The following AASDH variants were observed in gnomAD, a reference collection of about 807,000 sequenced individuals.
AASDH encodes aminoadipate-semialdehyde dehydrogenase.
AASDH carries 81 observed loss-of-function variants against 102.3 expected under a neutral mutation model. The observed-to-expected ratio is 0.79, with a 90% CI of 0.66 to 0.95. The LOEUF is 0.95. AASDH is among the 40% of genes least tolerant of loss of function. AASDH has a pLI of 0.00. For missense variants in AASDH, 1,203 were observed against 1,266.2 expected (o/e 0.95, Z 0.76); for synonymous variants, 398 against 454.0 (o/e 0.88, Z 1.57).
At chr4:56,372,511 T>C (rs1399375634) in intron 4 of AASDH, among the ~76,000 whole-genome samples, 2 of 152,248 alleles carry the variant, frequency 1.3e-5, no homozygotes, top group Non-Finnish European at 2.9e-5. Context: ...TAGGCTCTTA[T>C]ACAGCATGGA....
At position 56,355,328 on chromosome 4, in the gene AASDH, A is replaced by G. The variant is rs1292719299; in HGVS notation, c.957T>C (p.Gly319=). The change falls in exon 6 of 15, where the codon GGT becomes GGC. Residue 319 remains glycine (G), a synonymous_variant. Transcript: ENST00000205214. The stretch of plus-strand genomic sequence containing the variant: ...GAACTGTCAATGATGGAAACGCTTC[A>G]CCACCAAGGGCTAATACTCGAAGAG... ...TTSLRVLALG[G]EAFPSLTVLR... 13 of 1,614,062 alleles carry G rather than the reference A, an allele frequency of 8.1e-6. No individual in the cohort carries two copies. The highest frequency in any genetic ancestry group is 1.1e-5 in the Non-Finnish European group (13 of 1,180,032).
intron 14 of AASDH, among the ~76,000 whole-genome samples, chr4:56,340,409 A>G (rs1226839859): frequency 6.6e-6 from 1 of 152,206 alleles, no homozygotes; most frequent in African/African-American, 2.4e-5. Context: ...GATGTCAAAA[A>G]TACACAATGG....
chr4:56,379,502 T>G (rs906995055), intron 3 of AASDH, among the ~76,000 whole-genome samples: 1 of 152,038 alleles, frequency 6.6e-6, no homozygotes, highest in African/African-American at 2.4e-5. Context: ...CATTTACTCA[T>G]TCAACATGAC....
chr4:56,349,536 T>C lies in AASDH; in HGVS notation c.2215A>G (p.Lys739Glu), dbSNP rs1748735036. ...GKSKDPSCVAKVSEEGKPAIG... is the reference protein window; with the variant it reads ...GKSKDPSCVAEVSEEGKPAIG... ...GCAGGTTTCCCCTCTTCAGAAACTT[T>C]TGCAACACAGGATGGATCTTTTGAC... The change falls in exon 11 of 15, where the codon AAA (lysine) becomes GAA (glutamate). Residue 739 changes from lysine to glutamate, a missense_variant. Physicochemically the swap from Lys to Glu is moderately conservative, Grantham distance 56 (BLOSUM62 1). Coordinates refer to ENST00000205214, the MANE Select transcript of AASDH (RefSeq NM_181806.4). 6.2e-7 allele frequency: 1 copy of C among 1,614,214 alleles called. No individual in the cohort carries two copies.
At position 56,338,431 on chromosome 4, in the gene AASDH, G is replaced by A. The variant is rs780778688; in HGVS notation, c.3268C>T (p.Leu1090=). The A allele has an allele frequency of 3.0e-5, 48 of 1,613,618 alleles. No homozygotes were observed. Among genetic ancestry groups the A allele is most frequent in the Non-Finnish European group, 4.0e-5 (47 of 1,179,936 alleles). The change falls in exon 15 of 15, where the codon CTG becomes TTG. Residue 1090 remains leucine (L), a synonymous_variant. Transcript: ENST00000205214. ...IGCRDNYVYC[L]DLLGGNQK is the part of the protein sequence containing the mutation. ...TTTTGATTGCCACCCAATAAATCCA[G>A]ACAATAAACATAATTATCTCTACAC... is the stretch of plus-strand genomic sequence containing the variant.
intron 4 of AASDH, 51 bp downstream of exon 4, chr4:56,378,097 C>T (rs1483372500): frequency 5.3e-6 from 8 of 1,522,198 alleles, no homozygotes. Context: ...TAAGCCACCA[C>T]ACCTGGCCTA....
chr4:56,369,150 T>G (rs1751397990), intron 5 of AASDH, among the ~76,000 whole-genome samples: 1 of 152,194 alleles, frequency 6.6e-6, no homozygotes, highest in Admixed American at 6.5e-5. Flanking sequence ...TTTCTATCAG[T>G]TTCTCAGAAA....
In AASDH at chr4:56,342,922, G is replaced by A. The variant is rs373341321; in HGVS notation, c.2820C>T (p.Leu940=). 44 of 1,595,470 alleles carry A rather than the reference G, an allele frequency of 2.8e-5. No homozygotes were observed. In the African/African-American group the frequency reaches 4.4e-4, roughly 16 times the overall value. Residue 940 remains leucine, a synonymous_variant, in exon 14 of 15, where the codon CTC becomes CTT. Coordinates refer to ENST00000205214, the MANE Select transcript of AASDH (RefSeq NM_181806.4). ...VIWKHSCGKP[L]FSSPQCCSQY... is the part of the protein sequence containing the mutation. ...GTGAGCAACATTGTGGGGAAGAGAA[G>A]AGTGGTTTTCCACAGGAATGTTTCC...
chr4:56,356,172 T>C, intron 5 of AASDH: 1 of 708,590 alleles, frequency 1.4e-6, no homozygotes, highest in Non-Finnish European at 2.6e-6. Context: ...AAGGTGGCTC[T>C]GGCCCCTGCT....
intron 5 of AASDH, among the ~76,000 whole-genome samples, chr4:56,364,291 T>A (rs190220033): frequency 1.1e-3 from 162 of 151,990 alleles, no homozygotes; most frequent in African/African-American, 3.8e-3. Flanking sequence ...TGGAAAACAC[T>A]CTGCAGGATA....
Position 56,366,237 on chromosome 4 carries a change from G to A in AASDH, c.861+5214C>T, listed in dbSNP as rs58835787. 5.3e-5 allele frequency among the ~76,000 whole-genome samples: 8 copies of A among 151,836 alleles called. No individual in the cohort carries two copies. In the South Asian group the frequency reaches 6.2e-4, roughly 12 times the overall value. On this transcript the variant is annotated intron_variant, in intron 5 of 14. Coordinates refer to ENST00000205214, the MANE Select transcript of AASDH (RefSeq NM_181806.4). ...ATTGAGGCAATAATTAATAGCCTAC[G>A]AACCAAAAAAAGTCCAGGACCAGGT...
Position 56,384,062 on chromosome 4 carries a change from A to C in AASDH, c.230+8T>G, listed in dbSNP as rs1400258309. 1.9e-6 allele frequency: 3 copies of C among 1,606,608 alleles called. No individual in the cohort carries two copies. Among genetic ancestry groups the C allele is most frequent in the Non-Finnish European group, 2.6e-6 (3 of 1,173,568 alleles). On this transcript the variant is annotated splice_region_variant and intron_variant, in intron 2 of 14. Coordinates refer to ENST00000205214, the MANE Select transcript of AASDH (RefSeq NM_181806.4). ...TAACATCAAATTTACAGTTCTAAAAAATATTACCCTAAAATCCAAGAGGGT... is the reference window on the plus strand; with the variant it reads ...TAACATCAAATTTACAGTTCTAAAACATATTACCCTAAAATCCAAGAGGGT...
chr4:56,387,459 C>G lies in AASDH; in HGVS notation c.-140G>C, dbSNP rs1344450294. The G allele has an allele frequency of 6.6e-6, 1 of 152,248 alleles. No homozygotes were observed. Among genetic ancestry groups the G allele is most frequent in the Non-Finnish European group, 1.5e-5 (1 of 68,080 alleles). The allele number at this position is 152,248 out of a possible 1,614,324, so 9.4% of individuals were successfully genotyped here. A position where few individuals can be genotyped will look rare whatever the true frequency, so the allele number is the denominator to read the frequency against. On this transcript the variant is annotated 5_prime_UTR_variant, in exon 1 of 15. Transcript: ENST00000205214. ...CAGCGAAGCAGCAGCTCCCAGAAGC[C>G]GTAAAGCTATCCCAGAGCGAGGCAC... is the stretch of plus-strand genomic sequence containing the variant.
intron 11 of AASDH, among the ~76,000 whole-genome samples, chr4:56,347,710 TG>T (rs1381435472): frequency 6.6e-6 from 1 of 152,106 alleles, no homozygotes; most frequent in African/African-American, 2.4e-5. Context: ...GAGACCAGCC[TG>T]GACAACACGC....
At chr4:56,352,065 G>A (rs1749085383) in intron 9 of AASDH, among the ~76,000 whole-genome samples, 1 of 152,062 alleles carries the variant, frequency 6.6e-6, no homozygotes, top group South Asian at 2.1e-4. Context: ...AATTGGGAAG[G>A]CAATATAATA....
intron 1 of AASDH, among the ~76,000 whole-genome samples, chr4:56,386,473 T>C (rs1472690450): frequency 1.3e-5 from 2 of 152,308 alleles, no homozygotes; most frequent in Admixed American, 6.5e-5. Flanking sequence ...ACTAAACTTA[T>C]TAATGCCCAA....
At chr4:56,359,595 G>T (rs1206930358) in intron 5 of AASDH, among the ~76,000 whole-genome samples, 1 of 139,390 alleles carries the variant, frequency 7.2e-6, no homozygotes, top group Non-Finnish European at 1.5e-5. Flanking sequence ...GTCTCACTCT[G>T]TCTCCCAGCC....
rs114650327 is a variant in AASDH at position 56,354,827 on chromosome 4, A to C, written c.1104-16T>G. 4,923 of 1,563,818 alleles carry C rather than the reference A, an allele frequency of 3.1e-3. 151 individuals are homozygous for C. The African/African-American group carries it at 0.058, about 19-fold the overall frequency. ...CAATTCACATCTATGAAAATAAGAT[A>C]CAGAGCAGATTTAAAATTTTTCATT... On this transcript the variant is annotated splice_polypyrimidine_tract_variant and intron_variant, in intron 6 of 14. Transcript: ENST00000205214.
chr4:56,369,042 T>C (rs1751382439), intron 5 of AASDH, among the ~76,000 whole-genome samples: 2 of 152,164 alleles, frequency 1.3e-5, no homozygotes, highest in Non-Finnish European at 2.9e-5. Context: ...CCAAGTCAAA[T>C]GTGATCTGCT....
Sources: gnomAD v4.1 joint callset for allele counts (sites outside exome capture counted in the v4.1 genomes callset) on GRCh38, gnomAD v4.1.1 for gene constraint, MANE v1.5 for transcripts, NCBI Gene and HGNC (gene_info 2026-07-23, HGNC 2026-07-21) for gene names.